Variants in RPTOR observed in about 807,000 individuals in gnomAD.
RPTOR encodes the protein regulatory associated protein of MTOR complex 1.
Under a neutral mutation model 169.9 loss-of-function variants are expected in RPTOR, and 21 were observed. That is an observed-to-expected ratio of 0.12 (90% CI 0.09 to 0.18). The LOEUF (loss-of-function observed/expected upper bound fraction) is 0.18, where lower values mean the gene tolerates loss of function less well. Among genes scored for constraint, RPTOR ranks in the 10% least tolerant of loss-of-function variants. RPTOR has a pLI of 1.00. For missense variants in RPTOR, 1,133 were observed against 1,855.9 expected, an observed-to-expected ratio of 0.61 and a Z score of 7.16; for synonymous variants, 732 against 753.2, an observed-to-expected ratio of 0.97 and a Z score of 0.46.
At chr17:80,665,169 T>G (rs1051222953) in intron 3 of RPTOR, among the ~76,000 whole-genome samples, 1 of 152,122 alleles carries the variant, frequency 6.6e-6, no homozygotes, top group Non-Finnish European at 1.5e-5. Flanking sequence ...TTTACTGGGC[T>G]TCCTCTCCAT....
At chr17:80,838,295 T>C (rs1377026307) in intron 10 of RPTOR, among the ~76,000 whole-genome samples, 1 of 152,214 alleles carries the variant, frequency 6.6e-6, no homozygotes, top group Non-Finnish European at 1.5e-5. Flanking sequence ...TTACACTTTC[T>C]AGCCTTTTCA....
rs753340631 is a variant in RPTOR at position 80,846,511 on chromosome 17, G to A, written c.1251G>A (p.Gln417=). The A allele has an allele frequency of 1.5e-5, 25 of 1,614,096 alleles. No individual in the cohort carries two copies. Among genetic ancestry groups the A allele is most frequent in the Non-Finnish European group, 2.1e-5 (25 of 1,180,040 alleles). The change falls in exon 11 of 34, where the codon CAG becomes CAA. Residue 417 remains glutamine, a synonymous_variant. Coordinates refer to ENST00000306801, the MANE Select transcript of RPTOR (RefSeq NM_020761.3). Reference sequence around the variant, plus strand: ...TCGCCGAGCAGCTGACCGCATTCCAGGTGTGGCTCACCATGGGCGTGGAGA... The same window carrying A: ...TCGCCGAGCAGCTGACCGCATTCCAAGTGTGGCTCACCATGGGCGTGGAGA... ...PFFAEQLTAF[Q]VWLTMGVENR...
intron 6 of RPTOR, among the ~76,000 whole-genome samples, chr17:80,756,871 CTCAG>C (rs1295745246): frequency 1.3e-5 from 2 of 152,184 alleles, no homozygotes; most frequent in East Asian, 1.9e-4. Context: ...TTATAAATTA[CTCAG>C]TCTGTCGTAG....
chr17:80,829,278 G>T (rs1412089432), intron 9 of RPTOR, among the ~76,000 whole-genome samples: 1 of 152,182 alleles, frequency 6.6e-6, no homozygotes, highest in African/African-American at 2.4e-5. Flanking sequence ...AGAGGCAGGC[G>T]TGGGGGCTTT....
At chr17:80,712,026 G>A (rs1272399640) in intron 4 of RPTOR, among the ~76,000 whole-genome samples, 2 of 152,100 alleles carry the variant, frequency 1.3e-5, no homozygotes, top group Non-Finnish European at 2.9e-5. Flanking sequence ...TTACAGGCGT[G>A]AGCCACCGTG....
rs760561515 is a variant in RPTOR at position 80,892,808 on chromosome 17, T to C, written c.2181T>C (p.Arg727=). 31 of 1,614,232 alleles carry C rather than the reference T, an allele frequency of 1.9e-5. 1 individual carries two copies. In the South Asian group the frequency reaches 2.7e-4, roughly 14 times the overall value. ...CTGTGAGCTCCTATGGAAACATCCG[T>C]GCTGTCGCCACAGCCAGGAGCCTCA... The part of the protein sequence containing the change: ...LRSVSSYGNI[R]AVATARSLNK... The change falls in exon 19 of 34, where the codon CGT becomes CGC. Residue 727 remains arginine (R), a synonymous_variant. Coordinates refer to ENST00000306801, the MANE Select transcript of RPTOR (RefSeq NM_020761.3).
intron 1 of RPTOR, among the ~76,000 whole-genome samples, chr17:80,608,063 C>T (rs1469588627): frequency 1.3e-5 from 2 of 152,114 alleles, no homozygotes; most frequent in African/African-American, 2.4e-5. Context: ...TTTCATGATA[C>T]AGTGTATTTG....
intron 3 of RPTOR, among the ~76,000 whole-genome samples, chr17:80,658,495 AC>A (rs1279686676): frequency 4.6e-5 from 7 of 151,076 alleles, no homozygotes; most frequent in African/African-American, 1.5e-4. Context: ...CCCTCCCCGC[AC>A]CCCCCTGTCC....
intron 6 of RPTOR, among the ~76,000 whole-genome samples, chr17:80,783,930 C>T (rs2066965914): frequency 6.6e-6 from 1 of 152,180 alleles, no homozygotes; most frequent in South Asian, 2.1e-4. Context: ...TTAACGTTTG[C>T]AAGTTAGGAA....
At chr17:80,752,972 T>C (rs2066643826) in intron 5 of RPTOR, among the ~76,000 whole-genome samples, 1 of 122,484 alleles carries the variant, frequency 8.2e-6, no homozygotes, top group Non-Finnish European at 1.9e-5. Context: ...TATGATACTT[T>C]TACGTGACAA....
intron 1 of RPTOR, among the ~76,000 whole-genome samples, chr17:80,624,042 G>T (rs1315374354): frequency 6.6e-6 from 1 of 152,082 alleles, no homozygotes; most frequent in African/African-American, 2.4e-5. Flanking sequence ...CTGAGTAGCT[G>T]GGACCGCAGG....
intron 3 of RPTOR, among the ~76,000 whole-genome samples, chr17:80,687,841 G>A (rs1165142743): frequency 1.3e-5 from 2 of 152,162 alleles, no homozygotes; most frequent in East Asian, 3.9e-4. Context: ...TGAGTTGTAG[G>A]AAGCTCAGAA....
At chr17:80,698,399 G>A (rs963148270) in intron 3 of RPTOR, among the ~76,000 whole-genome samples, 1 of 149,978 alleles carries the variant, frequency 6.7e-6, no homozygotes, top group Admixed American at 6.8e-5. Context: ...AGCAAAGAAA[G>A]ACACCAGCTC....
rs897296009 is a variant in RPTOR at position 80,885,134 on chromosome 17, C to T, written c.1969C>T (p.Pro657Ser). The T allele has an allele frequency of 3.4e-5, 53 of 1,558,250 alleles. No homozygotes were observed. Among genetic ancestry groups the T allele is most frequent in the Non-Finnish European group, 4.5e-5 (52 of 1,151,096 alleles). Residue 657 changes from proline (P) to serine (S), a missense_variant, in exon 17 of 34, where the codon CCC becomes TCC. Pro to Ser is a moderately conservative substitution (Grantham distance 74). Transcript: ENST00000306801. The part of the protein sequence containing the change: ...MLAQLVSDGS[P>S]MVRKELVVAL... ...GGCCCAGCTGGTCAGCGACGGGAGC[C>T]CCATGGTCCGGAAGGTGCGTGAACC... is the stretch of plus-strand genomic sequence containing the variant.
At chr17:80,812,862 G>A (rs1294502333) in intron 7 of RPTOR, among the ~76,000 whole-genome samples, 1 of 152,226 alleles carries the variant, frequency 6.6e-6, no homozygotes, top group Non-Finnish European at 1.5e-5. Flanking sequence ...ATTTGTGCAC[G>A]TGATTTGGAA....
intron 1 of RPTOR, among the ~76,000 whole-genome samples, chr17:80,611,261 A>T (rs1285353261): frequency 5.9e-5 from 9 of 151,852 alleles, no homozygotes; most frequent in Admixed American, 3.3e-4. Context: ...ACATGTTATT[A>T]TTATTATTAT....
At chr17:80,747,237 C>T (rs2066585028) in intron 5 of RPTOR, among the ~76,000 whole-genome samples, 1 of 152,162 alleles carries the variant, frequency 6.6e-6, no homozygotes, top group Non-Finnish European at 1.5e-5. Flanking sequence ...CAAAACAAAA[C>T]AAAACCTGTT....
At chr17:80,862,372 G>A (rs2143768808) in intron 13 of RPTOR, among the ~76,000 whole-genome samples, 1 of 152,212 alleles carries the variant, frequency 6.6e-6, no homozygotes, top group South Asian at 2.1e-4. Context: ...ACTTCCCAGA[G>A]ATGAAAGTTC....
intron 1 of RPTOR, among the ~76,000 whole-genome samples, chr17:80,574,463 G>T (rs1450322625): frequency 6.6e-6 from 1 of 151,838 alleles, no homozygotes; most frequent in African/African-American, 2.4e-5. Flanking sequence ...ACCGCGCCCG[G>T]CCGGTTTTTT....
Sources: gnomAD v4.1 joint callset for allele counts (sites outside exome capture counted in the v4.1 genomes callset) on GRCh38, gnomAD v4.1.1 for gene constraint, MANE v1.5 for transcripts, NCBI Gene and HGNC (gene_info 2026-07-23, HGNC 2026-07-21) for gene names.